The following MAGOHB variants were observed in gnomAD, a reference collection of about 807,000 sequenced individuals.
MAGOHB encodes mago homolog B, exon junction complex subunit.
In MAGOHB, 15 loss-of-function variants were observed where a neutral mutation model predicts 20.9. That is an observed-to-expected ratio of 0.72 (90% CI 0.48 to 1.11). The LOEUF is 1.11. MAGOHB is among the 50% of genes least tolerant of loss of function. MAGOHB has a pLI of 0.00. For synonymous variants in MAGOHB, 50 were observed against 57.9 expected, an observed-to-expected ratio of 0.86 and a Z score of 0.62; for missense variants, 162 against 177.6, an observed-to-expected ratio of 0.91 and a Z score of 0.50.
intron 2 of MAGOHB, 111 bp from the exon 3 acceptor site, chr12:10,610,052 T>C: frequency 1.7e-6 from 1 of 586,620 alleles, no homozygotes; most frequent in South Asian, 2.5e-5. Context: ...ATAGAAAAAT[T>C]TAATTGATTC....
In MAGOHB at chr12:10,606,392, A is replaced by G; in HGVS notation, c.348-18T>C. The G allele has an allele frequency of 7.2e-7, 1 of 1,397,024 alleles. No individual in the cohort carries two copies. The highest frequency in any genetic ancestry group is 9.9e-7 in the Non-Finnish European group (1 of 1,014,610). 86.5% of individuals were successfully genotyped at this position (1,397,024 alleles called of 1,614,324 possible). ...CAGGATCCCTAAAATTTAAAAAGGT[A>G]AAAGTTACTTTTTCTTCCTAGGATA... On this transcript the variant is annotated intron_variant, in intron 4 of 4. Coordinates refer to ENST00000320756, the MANE Select transcript of MAGOHB (RefSeq NM_018048.5).
chr12:10,603,263 G>A (rs1187682367), downstream of MAGOHB, among the ~76,000 whole-genome samples: 2 of 145,982 alleles, frequency 1.4e-5, no homozygotes, highest in Non-Finnish European at 3.0e-5. Flanking sequence ...GCAGTGAGCC[G>A]AGATCGCGCC....
At position 10,604,685 on chromosome 12, in the gene MAGOHB, T is replaced by A. The variant is rs1313009298; in HGVS notation, c.*1590A>T. On this transcript the variant is annotated 3_prime_UTR_variant, in exon 5 of 5. Coordinates refer to ENST00000320756, the MANE Select transcript of MAGOHB (RefSeq NM_018048.5). ...GCAAGAAAATTACAATACGATTTCA[T>A]ACTGCACAATCATCAAGGTCTACAA... is the stretch of plus-strand genomic sequence containing the variant. 6.6e-6 allele frequency: 1 copy of A among 152,204 alleles called. No individual in the cohort carries two copies. The highest frequency in any genetic ancestry group is 6.5e-5 in the Admixed American group (1 of 15,278). 9.4% of individuals were successfully genotyped at this position (152,204 alleles called of 1,614,324 possible). A position where few individuals can be genotyped will look rare whatever the true frequency, so the allele number is the denominator to read the frequency against.
At position 10,610,671 on chromosome 12, in the gene MAGOHB, C is replaced by T; in HGVS notation, c.104G>A (p.Arg35Lys). 1.3e-6 allele frequency: 2 copies of T among 1,565,044 alleles called. No individual in the cohort carries two copies. Among genetic ancestry groups the T allele is most frequent in the Non-Finnish European group, 1.7e-6 (2 of 1,157,652 alleles). ...EFEFRPDGKLRYANNSNYKND... is the reference protein window; with the variant it reads ...EFEFRPDGKLKYANNSNYKND... ...TTTGTAATTGCTGTTGTTGGCATATCTAAGCTTTCCTGTGGGAAGTGGAAA... is the reference window on the plus strand; with the variant it reads ...TTTGTAATTGCTGTTGTTGGCATATTTAAGCTTTCCTGTGGGAAGTGGAAA... Residue 35 changes from arginine to lysine, a missense_variant, in exon 2 of 5, where the codon AGA becomes AAA. Physicochemically the swap from Arg to Lys is conservative, Grantham distance 26. Transcript: ENST00000320756.
chr12:10,606,915 T>A (rs1185677071), intron 4 of MAGOHB, among the ~76,000 whole-genome samples: 1 of 152,116 alleles, frequency 6.6e-6, no homozygotes, highest in Non-Finnish European at 1.5e-5. Context: ...AATAGTTCCA[T>A]AGAAGAGATG....
chr12:10,601,914 G>A (rs900713516), downstream of MAGOHB, among the ~76,000 whole-genome samples: 6 of 152,134 alleles, frequency 3.9e-5, no homozygotes, highest in Admixed American at 2.0e-4. Context: ...GTTCTAATAG[G>A]GGAAACACCA....
intron 4 of MAGOHB, 25 bp downstream of exon 4, chr12:10,607,829 C>T (rs376809682): frequency 9.3e-6 from 13 of 1,391,284 alleles, no homozygotes; most frequent in African/African-American, 4.4e-5. Flanking sequence ...ATGAAAACTT[C>T]GCCAAAATGC....
chr12:10,613,492 C>G lies in MAGOHB; in HGVS notation c.41G>C (p.Gly14Ala), dbSNP rs2120550072. The G allele has an allele frequency of 6.2e-7, 1 of 1,614,088 alleles. No homozygotes were observed. Among genetic ancestry groups the G allele is most frequent in the Non-Finnish European group, 8.5e-7 (1 of 1,179,954 alleles). Residue 14 changes from glycine (G) to alanine (A), a missense_variant, in exon 1 of 5, where the codon GGG (glycine) becomes GCG (alanine). Transcript: ENST00000320756. ...ASDFYLRYYV[G>A]HKGKFGHEFL... ...CTCGTGCCCAAACTTGCCCTTGTGC[C>G]CTACGTAGTAGCGCAGGTAGAAATC...
intron 1 of MAGOHB, 80 bp downstream of exon 1, chr12:10,613,359 C>T: frequency 1.6e-6 from 2 of 1,264,388 alleles, no homozygotes; most frequent in Non-Finnish European, 2.3e-6. Context: ...GTGGCCTCCG[C>T]CGCCTGTACC....
chr12:10,601,066 G>T (rs1350393821), downstream of MAGOHB, among the ~76,000 whole-genome samples: 1 of 152,110 alleles, frequency 6.6e-6, no homozygotes, highest in Non-Finnish European at 1.5e-5. Flanking sequence ...GATTGGCTTC[G>T]TCAATCCCAA....
chr12:10,613,568 A>T lies in MAGOHB; in HGVS notation c.-36T>A, dbSNP rs758901900. On this transcript the variant is annotated 5_prime_UTR_variant, in exon 1 of 5. It adds an upstream start codon to the 5' untranslated region. Transcript: ENST00000320756. ...GGGAAGCCCGCCGAAAACGCAGCCA[A>T]CGTGTCCCCCGGCGCCTTGCAGTGA... The T allele has an allele frequency of 6.9e-7, 1 of 1,442,446 alleles. No individual in the cohort carries two copies. The highest frequency in any genetic ancestry group is 1.1e-5 in the South Asian group (1 of 87,658). The allele number at this position is 1,442,446 out of a possible 1,614,324, so 89.4% of individuals were successfully genotyped here.
chr12:10,607,990 T>A, intron 3 of MAGOHB, 54 bp from the exon 4 acceptor site: 1 of 1,096,650 alleles, frequency 9.1e-7, no homozygotes. Flanking sequence ...CCCAGAGGTA[T>A]CTGTATTCTT....
At chr12:10,600,527 G>A (rs1565547571), downstream of MAGOHB, among the ~76,000 whole-genome samples, 2 of 152,014 alleles carry the variant, frequency 1.3e-5, no homozygotes, top group Non-Finnish European at 2.9e-5. Flanking sequence ...CATCAGTTGT[G>A]TGTGAAAATG....
At chr12:10,601,009 T>C (rs1480512588), downstream of MAGOHB, among the ~76,000 whole-genome samples, 1 of 152,194 alleles carries the variant, frequency 6.6e-6, no homozygotes, top group African/African-American at 2.4e-5. Flanking sequence ...GTTTGGACGC[T>C]TCAGGAATAC....
intron 2 of MAGOHB, 145 bp downstream of exon 2, chr12:10,610,476 AT>A: frequency 2.0e-6 from 2 of 1,004,216 alleles, no homozygotes; most frequent in Admixed American, 7.4e-5. Flanking sequence ...TCTAATTTAA[AT>A]GGAAACTCTT....
At position 10,609,918 on chromosome 12, in the gene MAGOHB, C is replaced by T. The variant is rs1475758328; in HGVS notation, c.177G>A (p.Met59Ile). ...CATCAATAATTCTCTTCAGTTCTTC[C>T]ATTACACTCTTGTGCACATAAGCCT... ...RKEAYVHKSVMEELKRIIDDS... is the reference protein window; with the variant it reads ...RKEAYVHKSVIEELKRIIDDS... The change falls in exon 3 of 5, where the codon ATG (methionine) becomes ATA (isoleucine). Residue 59 changes from methionine to isoleucine, a missense_variant. Physicochemically the swap from Met to Ile is conservative, Grantham distance 10 (BLOSUM62 1). Coordinates refer to ENST00000320756, the MANE Select transcript of MAGOHB (RefSeq NM_018048.5). 2.5e-6 allele frequency: 4 copies of T among 1,608,858 alleles called. No individual in the cohort carries two copies. Among genetic ancestry groups the T allele is most frequent in the Admixed American group, 1.7e-5 (1 of 59,586 alleles).
Position 10,605,098 on chromosome 12 carries a change from C to G in MAGOHB, c.*1177G>C, listed in dbSNP as rs918246088. 1.3e-5 allele frequency: 2 copies of G among 151,620 alleles called. No homozygotes were observed. Among genetic ancestry groups the G allele is most frequent in the Non-Finnish European group, 2.9e-5 (2 of 68,008 alleles). The allele number at this position is 151,620 out of a possible 1,614,324, so 9.4% of individuals were successfully genotyped here. A position where few individuals can be genotyped will look rare whatever the true frequency, so the allele number is the denominator to read the frequency against. On this transcript the variant is annotated 3_prime_UTR_variant, in exon 5 of 5. Transcript: ENST00000320756. Reference sequence around the variant, plus strand: ...ATATAGGTGTTCACTTTATAGTTCTCAAGAGTTTTTAATGTTTTATCCTTT... The same window carrying G: ...ATATAGGTGTTCACTTTATAGTTCTGAAGAGTTTTTAATGTTTTATCCTTT...
intron 1 of MAGOHB, among the ~76,000 whole-genome samples, chr12:10,610,943 A>C (rs1026653939): frequency 6.6e-6 from 1 of 152,348 alleles, no homozygotes; most frequent in East Asian, 1.9e-4. Flanking sequence ...TTCTTAAGCT[A>C]CATCATGAAC....
chr12:10,611,335 T>C (rs545589037), intron 1 of MAGOHB, among the ~76,000 whole-genome samples: 1 of 152,348 alleles, frequency 6.6e-6, no homozygotes, highest in African/African-American at 2.4e-5. Flanking sequence ...TTATATTTAA[T>C]TTTAATCCAT....
Sources: allele counts gnomAD v4.1 joint callset (sites outside exome capture counted in the v4.1 genomes callset), GRCh38; gene constraint gnomAD v4.1.1; transcripts MANE v1.5; gene names NCBI Gene and HGNC (gene_info 2026-07-23, HGNC 2026-07-21).